Variants in SNX9 observed in about 807,000 individuals in gnomAD.
SNX9 encodes sorting nexin 9.
A neutral mutation model predicts 89.4 loss-of-function variants in SNX9; 44 were observed. That is an observed-to-expected ratio of 0.49 (90% CI 0.39 to 0.63). The LOEUF (loss-of-function observed/expected upper bound fraction) is 0.63, where lower values mean the gene tolerates loss of function less well. SNX9 is among the 30% of genes least tolerant of loss of function. SNX9 has a pLI of 0.00. For missense variants in SNX9, 578 were observed against 736.1 expected (o/e 0.79, Z 2.49); for synonymous variants, 236 against 247.8 (o/e 0.95, Z 0.45).
At chr6:157,859,609 G>A (rs1014774834) in intron 1 of SNX9, among the ~76,000 whole-genome samples, 1 of 152,200 alleles carries the variant, frequency 6.6e-6, no homozygotes, top group African/African-American at 2.4e-5. Flanking sequence ...ATATAATACT[G>A]GTAGAAGTTT....
intron 1 of SNX9, among the ~76,000 whole-genome samples, chr6:157,828,197 G>T (rs894025377): frequency 1.4e-5 from 2 of 139,498 alleles, no homozygotes; most frequent in Non-Finnish European, 3.1e-5. Flanking sequence ...TATTTTCTAT[G>T]TGTCTTAAGT....
intron 17 of SNX9, among the ~76,000 whole-genome samples, 167 bp downstream of exon 17, chr6:157,941,141 C>T (rs1286882791): frequency 1.3e-5 from 2 of 152,254 alleles, no homozygotes; most frequent in East Asian, 3.9e-4. Context: ...TCCATCTGCC[C>T]TTTGCTTTTT....
intron 1 of SNX9, chr6:157,830,161 G>C (rs537561442): frequency 6.6e-6 from 1 of 152,160 alleles, no homozygotes; most frequent in East Asian, 1.9e-4. Context: ...TAATCATATT[G>C]TACTGTGTCT....
chr6:157,909,922 T>C lies in SNX9; in HGVS notation c.846T>C (p.Ser282=). 6.2e-7 allele frequency: 1 copy of C among 1,614,144 alleles called. No individual in the cohort carries two copies. The highest frequency in any genetic ancestry group is 2.2e-5 in the East Asian group (1 of 44,882). The part of the protein sequence containing the change: ...YQLTPTNTNR[S]VNHRYKHFDW... ...TTATTTTGTAGAACACTAATCGATC[T>C]GTAAACCACAGGTATAAGCACTTTG... Residue 282 remains serine (S), a synonymous_variant, in exon 9 of 18, where the codon TCT becomes TCC. Coordinates refer to ENST00000392185, the MANE Select transcript of SNX9 (RefSeq NM_016224.5).
At chr6:157,872,254 A>G (rs1012953580) in intron 2 of SNX9, among the ~76,000 whole-genome samples, 3 of 152,176 alleles carry the variant, frequency 2.0e-5, no homozygotes, top group African/African-American at 7.2e-5. Context: ...TCTGAATAAA[A>G]GTTACAATTT....
In SNX9 at chr6:157,896,988, C is replaced by T. The variant is rs759204449; in HGVS notation, c.462C>T (p.Tyr154=). 6.3e-7 allele frequency: 1 copy of T among 1,598,050 alleles called. No homozygotes were observed. Among genetic ancestry groups the T allele is most frequent in the East Asian group, 2.2e-5 (1 of 44,800 alleles). The part of the protein sequence containing the change: ...WDTAFGHPQA[Y]QGPATGDDDD... ...CTGCCTTCGGCCACCCCCAGGCCTA[C>T]CAAGGACCAGGTGAGGAGAGGGGTG... Residue 154 remains tyrosine (Y), a synonymous_variant, in exon 5 of 18, where the codon TAC becomes TAT. Coordinates refer to ENST00000392185, the MANE Select transcript of SNX9 (RefSeq NM_016224.5).
chr6:157,826,788 A>ATATATATATTATATTT (rs1781355268), intron 1 of SNX9, among the ~76,000 whole-genome samples: 1 of 95,422 alleles, frequency 1.0e-5, no homozygotes, highest in African/African-American at 5.1e-5. Flanking sequence ...ATATTATATT[A>ATATATATATTATATTT]TATATATATA....
chr6:157,914,469 C>CTTTTTTTTTTTTTTTTTTTTTTTTTTTTT (rs34419515), intron 9 of SNX9, among the ~76,000 whole-genome samples: 4 of 75,130 alleles, frequency 5.3e-5, no homozygotes, highest in Admixed American at 2.1e-4. Flanking sequence ...TTTTCTTTTT[C>CTTTTTTTTTTTTTTTTTTTTTTTTTTTTT]TTTTTTTTTT....
At chr6:157,901,279 C>T (rs532223372) in intron 5 of SNX9, among the ~76,000 whole-genome samples, 1 of 152,356 alleles carries the variant, frequency 6.6e-6, no homozygotes, top group South Asian at 2.1e-4. Flanking sequence ...TCTCCCTACA[C>T]CAGCCCATAG....
chr6:157,832,012 A>G (rs957746145), intron 1 of SNX9, among the ~76,000 whole-genome samples: 21 of 152,354 alleles, frequency 1.4e-4, no homozygotes, highest in African/African-American at 4.6e-4. Context: ...GGGCATTTCA[A>G]AACTTTCCAA....
At chr6:157,899,157 G>C (rs564640143) in intron 5 of SNX9, among the ~76,000 whole-genome samples, 3 of 152,204 alleles carry the variant, frequency 2.0e-5, no homozygotes, top group Non-Finnish European at 4.4e-5. Flanking sequence ...TATCTGACAC[G>C]GGGATTATTG....
At chr6:157,855,609 TAC>T (rs1021212942) in intron 1 of SNX9, among the ~76,000 whole-genome samples, 2 of 152,238 alleles carry the variant, frequency 1.3e-5, no homozygotes, top group African/African-American at 4.8e-5. Flanking sequence ...CTTTTCTGAG[TAC>T]AGTTTTACAT....
At chr6:157,880,835 T>C (rs1331934541) in intron 4 of SNX9, among the ~76,000 whole-genome samples, 1 of 152,224 alleles carries the variant, frequency 6.6e-6, no homozygotes, top group Non-Finnish European at 1.5e-5. Context: ...TCACACATCC[T>C]ATGTGAATCA....
intron 9 of SNX9, among the ~76,000 whole-genome samples, chr6:157,914,469 CTTTTTT>C (rs34419515): frequency 6.3e-4 from 47 of 75,132 alleles, no homozygotes; most frequent in Non-Finnish European, 6.0e-4. Flanking sequence ...TTTTCTTTTT[CTTTTTT>C]TTTTTTTTTT....
At chr6:157,905,333 T>C (rs1056154127) in intron 6 of SNX9, among the ~76,000 whole-genome samples, 3 of 152,218 alleles carry the variant, frequency 2.0e-5, no homozygotes, top group Non-Finnish European at 4.4e-5. Flanking sequence ...AAGATTCCTT[T>C]TCCCATTGTA....
Position 157,910,020 on chromosome 6 carries a change from T to G in SNX9, c.944T>G (p.Val315Gly). ...IPIPSLPDKQVTGRFEEEFIK... is the reference protein window; with the variant it reads ...IPIPSLPDKQGTGRFEEEFIK... ...ATCCCTTCTCTTCCAGACAAACAAG[T>G]CACAGGTGAGTGTGTGTAATGCTAA... The change falls in exon 9 of 18, where the codon GTC becomes GGC. Residue 315 changes from valine to glycine, a missense_variant. By Grantham distance (109) the Val-to-Gly change is moderately radical. Coordinates refer to ENST00000392185, the MANE Select transcript of SNX9 (RefSeq NM_016224.5). The G allele has an allele frequency of 6.2e-7, 1 of 1,611,736 alleles. No individual in the cohort carries two copies. The highest frequency in any genetic ancestry group is 8.5e-7 in the Non-Finnish European group (1 of 1,177,840).
chr6:157,896,871 A>G lies in SNX9; in HGVS notation c.345A>G (p.Lys115=). The change falls in exon 5 of 18, where the codon AAA becomes AAG. Residue 115 remains lysine (K), a synonymous_variant. Transcript: ENST00000392185. ...CCTGGTCAGCCTGGAGTGCCTCCAAATCTGGGAACTGGGAAAGCTCAGAAG... is the reference window on the plus strand; with the variant it reads ...CCTGGTCAGCCTGGAGTGCCTCCAAGTCTGGGAACTGGGAAAGCTCAGAAG... The part of the protein sequence containing the change: ...NDPWSAWSAS[K]SGNWESSEGW... 1 of 1,613,378 alleles carries G rather than the reference A, an allele frequency of 6.2e-7. No individual in the cohort carries two copies. The highest frequency in any genetic ancestry group is 8.5e-7 in the Non-Finnish European group (1 of 1,179,830).
At chr6:157,927,242 T>G (rs749815669) in intron 11 of SNX9, 28 bp downstream of exon 11, 1 of 1,523,064 alleles carries the variant, frequency 6.6e-7, no homozygotes. Flanking sequence ...GTTTTCTTTC[T>G]TCTCAATCCG....
At chr6:157,892,302 T>C (rs1471500551) in intron 4 of SNX9, among the ~76,000 whole-genome samples, 1 of 151,974 alleles carries the variant, frequency 6.6e-6, no homozygotes, top group Non-Finnish European at 1.5e-5. Context: ...AGCCAGTGAT[T>C]GGTTACAGTT....
Sources: allele counts gnomAD v4.1 joint callset (sites outside exome capture counted in the v4.1 genomes callset), GRCh38; gene constraint gnomAD v4.1.1; transcripts MANE v1.5; gene names NCBI Gene and HGNC (gene_info 2026-07-23, HGNC 2026-07-21).